Variants in CARHSP1 observed in about 807,000 individuals in gnomAD.
CARHSP1 encodes the protein calcium-regulated heat-stable protein 1.
A neutral mutation model predicts 12.5 loss-of-function variants in CARHSP1; 14 were observed. That is an observed-to-expected ratio of 1.12 (90% confidence interval 0.74 to 1.75). The LOEUF is 1.75. CARHSP1 is among the 40% of genes most tolerant of loss of function. The probability of loss-of-function intolerance (pLI) is 0.00; values close to 1 mark genes in which losing one functional copy is unlikely to be tolerated. For synonymous variants in CARHSP1, 161 were observed against 82.0 expected (o/e 1.96, Z -5.20); for missense variants, 343 against 201.6 (o/e 1.70, Z -4.25).
chr16:8,861,873 TC>T, intron 1 of CARHSP1: 1 of 1,140,310 alleles, frequency 8.8e-7, no homozygotes, highest in Non-Finnish European at 1.1e-6. Flanking sequence ...TGTCCAGGCC[TC>T]CCAGGACAGC....
At chr16:8,862,794 TCAGGAATCATGC>T (rs1348812144) in intron 1 of CARHSP1, among the ~76,000 whole-genome samples, 4 of 152,098 alleles carry the variant, frequency 2.6e-5, no homozygotes, top group Non-Finnish European at 5.9e-5. Flanking sequence ...TAGGGCCCGC[TCAGGAATCATGC>T]CGCGTCATCA....
chr16:8,857,321 T>A (rs1304609264), intron 3 of CARHSP1: 1 of 140,230 alleles, frequency 7.1e-6, no homozygotes, highest in East Asian at 2.3e-4. Context: ...TTGCTCTTGT[T>A]GCCCAGGCTG....
chr16:8,854,282 AC>A lies in CARHSP1; in HGVS notation c.*881del, dbSNP rs1279447133. Reference sequence around the variant, plus strand: ...TTGCCAGGCTGTCAGGATGCAAGCTACCTACTCTTTTCTGGATGGATCGGGA... The same window carrying A: ...TTGCCAGGCTGTCAGGATGCAAGCTACTACTCTTTTCTGGATGGATCGGGA... On this transcript the variant is annotated 3_prime_UTR_variant, in exon 4 of 4. Coordinates refer to ENST00000311052, the MANE Select transcript of CARHSP1 (RefSeq NM_014316.4). 4 of 152,144 alleles carry A rather than the reference AC, an allele frequency of 2.6e-5. No individual in the cohort carries two copies. Among genetic ancestry groups the A allele is most frequent in the African/African-American group, 7.2e-5 (3 of 41,436 alleles). 9.4% of individuals were successfully genotyped at this position (152,144 alleles called of 1,614,324 possible).
chr16:8,860,206 A>C (rs974919276), intron 1 of CARHSP1: 7 of 985,320 alleles, frequency 7.1e-6, no homozygotes, highest in Non-Finnish European at 8.4e-6. Flanking sequence ...TGCACCCAGG[A>C]CTGGGGGGCC....
chr16:8,856,882 G>A (rs553379650), intron 3 of CARHSP1, among the ~76,000 whole-genome samples: 3 of 152,256 alleles, frequency 2.0e-5, no homozygotes, highest in South Asian at 4.1e-4. Flanking sequence ...CCAGCCCTAG[G>A]ATGTGTGCGC....
chr16:8,864,404 G>T lies in CARHSP1; in HGVS notation c.-8+4562C>A, dbSNP rs560543690. Among the ~76,000 whole-genome samples, 3 of 152,298 alleles carry T rather than the reference G, an allele frequency of 2.0e-5. No homozygotes were observed. The East Asian group carries it at 5.8e-4, about 29-fold the overall frequency. On this transcript the variant is annotated intron_variant, in intron 1 of 3. Coordinates refer to ENST00000311052, the MANE Select transcript of CARHSP1 (RefSeq NM_014316.4). ...AACCAACAGATAAGGGAGTGGGACA[G>T]ACCATGACTACCACCACCACAGCAG...
At chr16:8,859,018 C>T (rs2061251099) in intron 2 of CARHSP1, 153 bp downstream of exon 2, 1 of 643,624 alleles carries the variant, frequency 1.6e-6, no homozygotes, top group Admixed American at 3.2e-5. Context: ...AGGCGCCTTC[C>T]TAGTTTCTCA....
Position 8,855,306 on chromosome 16 carries a change from G to A in CARHSP1, c.302C>T (p.Pro101Leu). The change falls in exon 4 of 4, where the codon CCA becomes CTA. Residue 101 changes from proline to leucine, a missense_variant. Physicochemically the swap from Pro to Leu is moderately conservative, Grantham distance 98. Transcript: ENST00000311052. ...HISDVEGEYV[P>L]VEGDEVTYKM... The stretch of plus-strand genomic sequence containing the variant: ...ATAGGTGACCTCGTCGCCTTCCACT[G>A]GGACATACTCCCCTTCCACACTACG... 2 of 1,606,974 alleles carry A rather than the reference G, an allele frequency of 1.2e-6. No homozygotes were observed. The highest frequency in any genetic ancestry group is 1.7e-6 in the Non-Finnish European group (2 of 1,175,662).
At chr16:8,860,364 C>G (rs2061313348) in intron 1 of CARHSP1, 8 of 985,330 alleles carry the variant, frequency 8.1e-6, no homozygotes, top group East Asian at 1.1e-4. Flanking sequence ...GTAAATCCAG[C>G]TGGAGGGCGG....
In CARHSP1 at chr16:8,852,996, G is replaced by C. The variant is rs1326014754; in HGVS notation, c.*2168C>G. ...GAGAAAGATGGCTGATGGGAGGCAA[G>C]ATCTGGATTCAGGAATCCTCAATTT... is the stretch of plus-strand genomic sequence containing the variant. On this transcript the variant is annotated 3_prime_UTR_variant, in exon 4 of 4. Coordinates refer to ENST00000311052, the MANE Select transcript of CARHSP1 (RefSeq NM_014316.4). 6.6e-6 allele frequency: 1 copy of C among 152,198 alleles called. No homozygotes were observed. Among genetic ancestry groups the C allele is most frequent in the African/African-American group, 2.4e-5 (1 of 41,440 alleles). The allele number at this position is 152,198 out of a possible 1,614,324, so 9.4% of individuals were successfully genotyped here. A position where few individuals can be genotyped will look rare whatever the true frequency, so the allele number is the denominator to read the frequency against.
chr16:8,861,624 A>C (rs780649208), intron 1 of CARHSP1: 7 of 1,289,108 alleles, frequency 5.4e-6, no homozygotes, highest in Non-Finnish European at 7.1e-6. Flanking sequence ...CGGGCTGGGA[A>C]GCTGGTGGCT....
chr16:8,855,242 C>G lies in CARHSP1; in HGVS notation c.366G>C (p.Gln122His). 2 of 1,613,460 alleles carry G rather than the reference C, an allele frequency of 1.2e-6. No homozygotes were observed. Among genetic ancestry groups the G allele is most frequent in the East Asian group, 4.5e-5 (2 of 44,828 alleles). ...CSIPPKNEKLQAVEVVITHLA... is the reference protein window; with the variant it reads ...CSIPPKNEKLHAVEVVITHLA... ...GGTGAGTGATGACGACCTCCACGGCCTGCAGCTTCTCATTCTTGGGTGGGA... is the reference window on the plus strand; with the variant it reads ...GGTGAGTGATGACGACCTCCACGGCGTGCAGCTTCTCATTCTTGGGTGGGA... The change falls in exon 4 of 4, where the codon CAG becomes CAC. Residue 122 changes from glutamine (Q) to histidine (H), a missense_variant. Coordinates refer to ENST00000311052, the MANE Select transcript of CARHSP1 (RefSeq NM_014316.4).
intron 1 of CARHSP1, among the ~76,000 whole-genome samples, chr16:8,863,589 C>G (rs1028106652): frequency 6.6e-5 from 10 of 152,312 alleles, no homozygotes; most frequent in African/African-American, 2.4e-4. Context: ...GCAGTGCCAA[C>G]TGGGAGACCC....
chr16:8,866,557 C>A (rs1388384752), intron 1 of CARHSP1: 1 of 695,478 alleles, frequency 1.4e-6, no homozygotes, highest in South Asian at 6.4e-5. Context: ...GTCAGCTGAG[C>A]CCAGATAGAA....
At chr16:8,863,164 G>C (rs2061397801) in intron 1 of CARHSP1, among the ~76,000 whole-genome samples, 1 of 126,414 alleles carries the variant, frequency 7.9e-6, no homozygotes, top group African/African-American at 3.0e-5. Flanking sequence ...TGGTCACCTA[G>C]GCTGGAATGC....
intron 3 of CARHSP1, among the ~76,000 whole-genome samples, chr16:8,856,938 G>A (rs1361904120): frequency 1.3e-5 from 2 of 152,138 alleles, no homozygotes; most frequent in African/African-American, 4.8e-5. Context: ...AGGAAGGAAG[G>A]ACGTCAGTAA....
chr16:8,859,015 T>C (rs2061251048), intron 2 of CARHSP1, 156 bp downstream of exon 2: 5 of 621,208 alleles, frequency 8.0e-6, no homozygotes, highest in Non-Finnish European at 1.1e-5. Context: ...ACAAGGCGCC[T>C]TCCTAGTTTC....
intron 1 of CARHSP1, among the ~76,000 whole-genome samples, chr16:8,865,123 T>C (rs1449276520): frequency 6.6e-6 from 1 of 152,204 alleles, no homozygotes; most frequent in Non-Finnish European, 1.5e-5. Flanking sequence ...ATTTTTGTTT[T>C]TGTGAGACAG....
intron 1 of CARHSP1, among the ~76,000 whole-genome samples, chr16:8,861,338 CA>C (rs909973642): frequency 1.3e-5 from 2 of 151,498 alleles, no homozygotes; most frequent in African/African-American, 4.9e-5. Flanking sequence ...TTAAACATCC[CA>C]GGGGGTTTCC....
Sources: gnomAD v4.1 joint callset for allele counts (sites outside exome capture counted in the v4.1 genomes callset) on GRCh38, gnomAD v4.1.1 for gene constraint, MANE v1.5 for transcripts, NCBI Gene and HGNC (gene_info 2026-07-23, HGNC 2026-07-21) for gene names.